CFAP36: variants seen among roughly 807,000 people sequenced by gnomAD.
The protein encoded by CFAP36 is cilia and flagella associated protein 36.
A neutral mutation model predicts 50.5 loss-of-function variants in CFAP36; 37 were observed. That is an observed-to-expected ratio of 0.73 (90% CI 0.56 to 0.96). The LOEUF is 0.96. Ranked by LOEUF, CFAP36 falls within the 50% of genes least tolerant of loss-of-function variation. The pLI, the probability that CFAP36 is intolerant of heterozygous loss-of-function variation, is 0.00. For missense variants in CFAP36, 407 were observed against 396.2 expected (o/e 1.03, Z -0.23); for synonymous variants, 138 against 128.2 (o/e 1.08, Z -0.52).
intron 3 of CFAP36, among the ~76,000 whole-genome samples, chr2:55,527,684 C>A (rs1684246134): frequency 6.6e-6 from 1 of 152,104 alleles, no homozygotes; most frequent in Admixed American, 6.6e-5. Flanking sequence ...AATACACATT[C>A]TTCTCAAGAT....
At chr2:55,543,352 T>C (rs1178650953) in intron 7 of CFAP36, among the ~76,000 whole-genome samples, 1 of 152,220 alleles carries the variant, frequency 6.6e-6, no homozygotes, top group Non-Finnish European at 1.5e-5. Context: ...TTAGTGCTCA[T>C]GTTTATATGT....
At chr2:55,543,038 T>C (rs1046785518) in intron 7 of CFAP36, among the ~76,000 whole-genome samples, 10 of 148,468 alleles carry the variant, frequency 6.7e-5, no homozygotes, top group African/African-American at 1.8e-4. Context: ...TTCTGTTTTC[T>C]GTTTTAGTAT....
chr2:55,522,307 T>C, intron 2 of CFAP36, 141 bp downstream of exon 2: 1 of 535,256 alleles, frequency 1.9e-6, no homozygotes, highest in East Asian at 3.1e-5. Context: ...GTGCCAGTTA[T>C]ATCTGTCTCC....
At chr2:55,537,416 T>G in intron 6 of CFAP36, 67 bp from the exon 7 acceptor site, 1 of 1,015,714 alleles carries the variant, frequency 9.8e-7, no homozygotes, top group Non-Finnish European at 1.5e-6. Context: ...ATCCTTTAGG[T>G]AGTGAATTAG....
At chr2:55,520,359 G>A in intron 1 of CFAP36, 1 of 1,475,910 alleles carries the variant, frequency 6.8e-7, no homozygotes, top group Non-Finnish European at 9.1e-7. Flanking sequence ...TTCGCCCGGT[G>A]TAGTCAGCTT....
At chr2:55,530,860 A>G (rs559913693) in intron 4 of CFAP36, among the ~76,000 whole-genome samples, 17 of 152,298 alleles carry the variant, frequency 1.1e-4, no homozygotes, top group South Asian at 8.3e-4. Flanking sequence ...TGTTTCTTGA[A>G]GATATGAGAT....
At chr2:55,535,305 T>C (rs1684451788) in intron 5 of CFAP36, among the ~76,000 whole-genome samples, 1 of 152,210 alleles carries the variant, frequency 6.6e-6, no homozygotes. Context: ...TCAGATGCCA[T>C]TGGAACAATG....
At chr2:55,533,453 C>T (rs9808053) in intron 4 of CFAP36, among the ~76,000 whole-genome samples, 13,590 of 151,900 alleles carry the variant, frequency 0.089, 2,061 homozygotes, top group African/African-American at 0.31. Flanking sequence ...TCTGTAATCC[C>T]GGCACTTTGG....
At chr2:55,537,061 A>G (rs72803520) in intron 6 of CFAP36, among the ~76,000 whole-genome samples, 5,561 of 152,258 alleles carry the variant, frequency 0.037, 143 homozygotes, top group South Asian at 0.089. Flanking sequence ...ATACTTTCTT[A>G]TAAGAGTGTA....
At chr2:55,523,947 A>G (rs2103633959) in intron 3 of CFAP36, 125 bp downstream of exon 3, 1 of 576,948 alleles carries the variant, frequency 1.7e-6, no homozygotes, top group Non-Finnish European at 2.9e-6. Context: ...AGGTAGAAAG[A>G]TAATTCATCA....
At chr2:55,538,946 T>G in intron 7 of CFAP36, 1 of 1,413,908 alleles carries the variant, frequency 7.1e-7, no homozygotes, top group Non-Finnish European at 9.3e-7. Context: ...GGAGAACACC[T>G]TTCTTTAATA....
intron 4 of CFAP36, chr2:55,531,231 C>T (rs927884394): frequency 6.6e-6 from 1 of 152,166 alleles, no homozygotes; most frequent in Non-Finnish European, 1.5e-5. Flanking sequence ...TTCCTGAAAA[C>T]TATGCTTTAT....
At chr2:55,524,900 G>T (rs1295452685) in intron 3 of CFAP36, among the ~76,000 whole-genome samples, 1 of 151,946 alleles carries the variant, frequency 6.6e-6, no homozygotes, top group African/African-American at 2.4e-5. Context: ...AGAATCCCTT[G>T]AACCCGGGAG....
At chr2:55,520,016 C>A in intron 1 of CFAP36, 100 bp downstream of exon 1, 1 of 1,056,050 alleles carries the variant, frequency 9.5e-7, no homozygotes. Context: ...CTCCCCGACC[C>A]CCTGTCTCCA....
chr2:55,538,647 G>A (rs1684556191), intron 7 of CFAP36: 2 of 733,156 alleles, frequency 2.7e-6, no homozygotes, highest in Non-Finnish European at 4.4e-6. Context: ...TTGCTGTGTT[G>A]CCCAGGCTGG....
chr2:55,537,201 T>C (rs1684511051), intron 6 of CFAP36, among the ~76,000 whole-genome samples: 1 of 152,072 alleles, frequency 6.6e-6, no homozygotes, highest in Non-Finnish European at 1.5e-5. Flanking sequence ...CAAAACCCCA[T>C]CTCTACTAAA....
At chr2:55,523,506 A>G (rs992201967) in intron 2 of CFAP36, among the ~76,000 whole-genome samples, 1 of 152,190 alleles carries the variant, frequency 6.6e-6, no homozygotes, top group African/African-American at 2.4e-5. Context: ...GACTTCAACT[A>G]TTTCTATTAG....
In CFAP36 at chr2:55,534,812, G is replaced by A. The variant is rs562727446; in HGVS notation, c.485+852G>A. 1.8e-4 allele frequency among the ~76,000 whole-genome samples: 28 copies of A among 152,294 alleles called. No homozygotes were observed. The South Asian group carries it at 5.2e-3, about 28-fold the overall frequency. On this transcript the variant is annotated intron_variant, in intron 5 of 9. Coordinates refer to ENST00000349456, the MANE Select transcript of CFAP36 (RefSeq NM_080667.7). ...TTAGGTACTTTGTCCCACCTCCAAA[G>A]CAGAAGAGAGGATCAGAGGATGGGC...
chr2:55,520,678 A>G lies in CFAP36; in HGVS notation c.115+762A>G, dbSNP rs187867993. ...GCAGCCCATTCGCAGAAAAGGAACCAGAAACCACGTCATATAAATGAGTGC... is the reference window on the plus strand; with the variant it reads ...GCAGCCCATTCGCAGAAAAGGAACCGGAAACCACGTCATATAAATGAGTGC... On this transcript the variant is annotated intron_variant, in intron 1 of 9. Transcript: ENST00000349456. Among the ~76,000 whole-genome samples, 187 of 152,366 alleles carry G rather than the reference A, an allele frequency of 1.2e-3. 1 individual carries two copies. The highest frequency in any genetic ancestry group is 4.2e-3 in the African/African-American group (176 of 41,582).
Sources: gnomAD v4.1 joint callset for allele counts (sites outside exome capture counted in the v4.1 genomes callset) on GRCh38, gnomAD v4.1.1 for gene constraint, MANE v1.5 for transcripts, NCBI Gene and HGNC (gene_info 2026-07-23, HGNC 2026-07-21) for gene names.